Variants in ZNF717 observed in about 807,000 individuals in gnomAD.
ZNF717 encodes the protein zinc finger protein 717.
Under a neutral mutation model 13.8 loss-of-function variants are expected in ZNF717, and 9 were observed. The observed-to-expected ratio is 0.65, with a 90% CI of 0.39 to 1.14. The LOEUF (loss-of-function observed/expected upper bound fraction) is 1.14, where lower values mean the gene tolerates loss of function less well. ZNF717 is among the 50% of genes most tolerant of loss of function. The pLI, the probability that ZNF717 is intolerant of heterozygous loss-of-function variation, is 0.01. For synonymous variants in ZNF717, 327 were observed against 364.1 expected, an observed-to-expected ratio of 0.90 and a Z score of 1.16; for missense variants, 1,040 against 1,080.7, an observed-to-expected ratio of 0.96 and a Z score of 0.53.
rs200443242 is a variant in ZNF717, at chr3:75,719,970, A to AAATAATAATAATAATAAT, written n.545-3447_545-3430dup. Among the ~76,000 whole-genome samples the AAATAATAATAATAATAAT allele has an allele frequency of 6.6e-3, 961 of 146,176 alleles. 9 individuals are homozygous for AAATAATAATAATAATAAT. The highest frequency in any genetic ancestry group is 0.01 in the African/African-American group (409 of 40,054). ...TGAAACTCCATCTCAAAATAATAAT[A>AAATAATAATAATAATAAT]AATAATAATAATAATAATAATAATA... On this transcript the variant is annotated intron_variant and non_coding_transcript_variant, in intron 4 of 5. Coordinates refer to the ZNF717 transcript ENST00000491507.
chr3:75,719,165 C>T (rs1341309348), intron 4 of ZNF717, among the ~76,000 whole-genome samples: 7 of 151,670 alleles, frequency 4.6e-5, no homozygotes, highest in Admixed American at 3.9e-4. Context: ...TGTGGTGTCA[C>T]ATGCCTGTGG....
At chr3:75,769,073 G>C (rs13079494) in intron 2 of ZNF717, among the ~76,000 whole-genome samples, 49,377 of 152,040 alleles carry the variant, frequency 0.32, 9,255 homozygotes, top group Non-Finnish European at 0.43. Flanking sequence ...ACTGCTGCAG[G>C]TTCCTACTAT....
At chr3:75,753,344 G>A (rs1158451276) in intron 2 of ZNF717, among the ~76,000 whole-genome samples, 2 of 139,262 alleles carry the variant, frequency 1.4e-5, no homozygotes, top group East Asian at 4.2e-4. Flanking sequence ...CTCCTGCTGT[G>A]GTCTGAATTT....
chr3:75,719,537 T>C (rs1326693743), intron 4 of ZNF717, among the ~76,000 whole-genome samples: 2 of 152,340 alleles, frequency 1.3e-5, no homozygotes, highest in East Asian at 1.9e-4. Context: ...TAGTGGTTTC[T>C]AGCATAATTT....
chr3:75,735,893 C>T lies in ZNF717; in HGVS notation c.*985G>A, dbSNP rs1471429416. The T allele has an allele frequency of 8.5e-5, 13 of 152,264 alleles. No homozygotes were observed. Among genetic ancestry groups the T allele is most frequent in the African/African-American group, 3.1e-4 (13 of 41,558 alleles). 9.4% of individuals were successfully genotyped at this position (152,264 alleles called of 1,614,324 possible). A position where few individuals can be genotyped will look rare whatever the true frequency, so the allele number is the denominator to read the frequency against. On this transcript the variant is annotated 3_prime_UTR_variant, in exon 5 of 5. Coordinates refer to ENST00000652011, the MANE Select transcript of ZNF717 (RefSeq NM_001290208.3). ...TCACTTTGAGCTTCACTTTATTTTGCTTGGCAACATCACCTTTTTAACAAA... is the reference window on the plus strand; with the variant it reads ...TCACTTTGAGCTTCACTTTATTTTGTTTGGCAACATCACCTTTTTAACAAA...
At chr3:75,766,846 C>G (rs1237894143) in intron 2 of ZNF717, among the ~76,000 whole-genome samples, 1 of 152,248 alleles carries the variant, frequency 6.6e-6, no homozygotes, top group Non-Finnish European at 1.5e-5. Context: ...AGAAAAGCCT[C>G]AAATGTCTGA....
chr3:75,699,244 C>A (rs1305544721), intron 6 of ZNF717, among the ~76,000 whole-genome samples: 14 of 151,908 alleles, frequency 9.2e-5, no homozygotes, highest in African/African-American at 2.9e-4. Context: ...AGACTTTTGA[C>A]TTTTCAGTTA....
At chr3:75,770,087 A>G (rs1452790044) in intron 2 of ZNF717, among the ~76,000 whole-genome samples, 4 of 152,120 alleles carry the variant, frequency 2.6e-5, no homozygotes, top group Non-Finnish European at 5.9e-5. Flanking sequence ...ATGGATTCCT[A>G]AGGATGTCAT....
intron 2 of ZNF717, among the ~76,000 whole-genome samples, chr3:75,778,712 A>C (rs1348265770): frequency 2.6e-5 from 4 of 151,778 alleles, no homozygotes; most frequent in Non-Finnish European, 5.9e-5. Context: ...TAAAACCGGA[A>C]CCCAAAACAA....
At chr3:75,781,501 T>C (rs1025240290) in intron 2 of ZNF717, among the ~76,000 whole-genome samples, 2 of 152,208 alleles carry the variant, frequency 1.3e-5, no homozygotes, top group African/African-American at 4.8e-5. Flanking sequence ...TTCCAGATCA[T>C]GAACAGACAT....
intron 6 of ZNF717, among the ~76,000 whole-genome samples, chr3:75,699,649 G>T (rs1429415374): frequency 1.3e-5 from 2 of 152,306 alleles, no homozygotes; most frequent in African/African-American, 2.4e-5. Flanking sequence ...AGAAGCCAGT[G>T]CTATGCTTTC....
Position 75,715,715 on chromosome 3 carries a change from C to G in ZNF717, n.667+704G>C, listed in dbSNP as rs1198723323. Among the ~76,000 whole-genome samples the G allele has an allele frequency of 2.6e-5, 4 of 152,128 alleles. No individual in the cohort carries two copies. The East Asian group carries it at 5.8e-4, about 22-fold the overall frequency. On this transcript the variant is annotated intron_variant and non_coding_transcript_variant, in intron 5 of 5. Coordinates refer to the ZNF717 transcript ENST00000491507. ...TTTGAAAACTCTTTAAGATTTGGGA[C>G]ACAGGCCAGAATTCCATAAACAGTG...
At chr3:75,772,608 G>A (rs1321547733) in intron 2 of ZNF717, among the ~76,000 whole-genome samples, 2 of 152,230 alleles carry the variant, frequency 1.3e-5, no homozygotes, top group Non-Finnish European at 2.9e-5. Context: ...CCAGTGCCTG[G>A]AGCTGCCCAC....
chr3:75,737,998 T>C lies in ZNF717; in HGVS notation c.1625A>G (p.Lys542Arg). ...EKPYACNECG[K>R]TYSHKSYLTV... ...AAGGTATGACTTGTGGCTATATGTT[T>C]TTCCACATTCGTTACATGCGTATGG... Residue 542 changes from lysine (K) to arginine (R), a missense_variant, in exon 5 of 5, where the codon AAA (lysine) becomes AGA (arginine). This residue lies in a region of ZNF717 where 873 missense variants were observed against 832.8 expected (regional missense o/e 1.05). Coordinates refer to ENST00000652011, the MANE Select transcript of ZNF717 (RefSeq NM_001290208.3). The C allele has an allele frequency of 7.4e-7, 1 of 1,344,272 alleles. No homozygotes were observed. The highest frequency in any genetic ancestry group is 9.9e-7 in the Non-Finnish European group (1 of 1,007,556). The allele number at this position is 1,344,272 out of a possible 1,614,324, so 83.3% of individuals were successfully genotyped here.
chr3:75,770,149 A>G (rs1461919587), intron 2 of ZNF717, among the ~76,000 whole-genome samples: 10 of 152,342 alleles, frequency 6.6e-5, no homozygotes, highest in Non-Finnish European at 1.5e-5. Flanking sequence ...TCACCACCCC[A>G]CAAACACCCC....
intron 5 of ZNF717, among the ~76,000 whole-genome samples, chr3:75,713,338 A>T (rs1937983408): frequency 6.6e-6 from 1 of 151,526 alleles, no homozygotes. Flanking sequence ...TTTTGTAGAG[A>T]TGGGGTTTTA....
At chr3:75,697,448 G>A (rs1575756947) in intron 6 of ZNF717, among the ~76,000 whole-genome samples, 1 of 38,572 alleles carries the variant, frequency 2.6e-5, no homozygotes, top group African/African-American at 1.1e-4. Flanking sequence ...CCTCATAATA[G>A]TAAGTGAGTT....
Position 75,784,515 on chromosome 3 carries a change from C to T in ZNF717, c.-3+869G>A, listed in dbSNP as rs1279166697. ...AATATATCTCAAACGCTGGAAACAA[C>T]GAGGAAAGGTTGAAGGAATGGGACT... On this transcript the variant is annotated intron_variant, in intron 1 of 4. Coordinates refer to ENST00000652011, the MANE Select transcript of ZNF717 (RefSeq NM_001290208.3). 2.0e-5 allele frequency among the ~76,000 whole-genome samples: 3 copies of T among 152,116 alleles called. No individual in the cohort carries two copies. In the South Asian group the frequency reaches 6.2e-4, roughly 31 times the overall value.
downstream of ZNF717, among the ~76,000 whole-genome samples, chr3:75,728,930 T>A (rs1162554968): frequency 6.8e-6 from 1 of 147,300 alleles, no homozygotes; most frequent in Non-Finnish European, 1.5e-5. Context: ...GGCAGAGGGG[T>A]GAGAACAGAC....
Sources: allele counts gnomAD v4.1 joint callset (sites outside exome capture counted in the v4.1 genomes callset), GRCh38; gene constraint gnomAD v4.1.1; regional missense constraint gnomAD v4.1.1; transcripts MANE v1.5; gene names NCBI Gene and HGNC (gene_info 2026-07-23, HGNC 2026-07-21).